ECHS1: variants seen among roughly 807,000 people sequenced by gnomAD.
ECHS1 encodes the protein enoyl-CoA hydratase, mitochondrial.
Under a neutral mutation model 33.5 loss-of-function variants are expected in ECHS1, and 19 were observed. The ratio of observed to expected loss-of-function variants is 0.57; its 90% CI spans 0.40 to 0.83. The LOEUF (loss-of-function observed/expected upper bound fraction) is 0.83, where lower values mean the gene tolerates loss of function less well. Among genes scored for constraint, ECHS1 ranks in the 40% least tolerant of loss-of-function variants. ECHS1 has a pLI of 0.00. For missense variants in ECHS1, 365 were observed against 381.3 expected (o/e 0.96, Z 0.36); for synonymous variants, 158 against 146.6 (o/e 1.08, Z -0.56).
chr10:133,365,270 G>C (rs1849013905), intron 6 of ECHS1, among the ~76,000 whole-genome samples: 1 of 152,188 alleles, frequency 6.6e-6, no homozygotes, highest in Non-Finnish European at 1.5e-5. Flanking sequence ...AACACCTCGG[G>C]CGACAGCAGC....
At chr10:133,372,388 G>A (rs1232376298) in intron 1 of ECHS1, among the ~76,000 whole-genome samples, 3 of 152,230 alleles carry the variant, frequency 2.0e-5, no homozygotes, top group Non-Finnish European at 4.4e-5. Context: ...GAGGAAGAGG[G>A]CAGCCCCCTG....
At chr10:133,370,484 G>A (rs1312912011) in intron 2 of ECHS1, 76 bp downstream of exon 2, 3 of 1,399,368 alleles carry the variant, frequency 2.1e-6, no homozygotes, top group Non-Finnish European at 2.8e-6. Context: ...GCGCAAATCT[G>A]TCTGGAGGCT....
intron 6 of ECHS1, 79 bp from the exon 7 acceptor site, chr10:133,364,804 T>G: frequency 8.8e-7 from 1 of 1,130,610 alleles, no homozygotes; most frequent in East Asian, 2.4e-5. Flanking sequence ...GAAGCCCTCC[T>G]CACTGACCCA....
rs763135144 is a variant in ECHS1, at chr10:133,373,284, G to T, written c.50C>A (p.Pro17His). 7 of 1,478,106 alleles carry T rather than the reference G, an allele frequency of 4.7e-6. No homozygotes were observed. The South Asian group carries it at 9.1e-5, about 19-fold the overall frequency. 91.6% of individuals were successfully genotyped at this position (1,478,106 alleles called of 1,614,324 possible). A position where few individuals can be genotyped will look rare whatever the true frequency, so the allele number is the denominator to read the frequency against. Residue 17 changes from proline to histidine, a missense_variant, in exon 1 of 8, where the codon CCC (proline) becomes CAC (histidine). By Grantham distance (77) the Pro-to-His change is moderately conservative (BLOSUM62 -2). Transcript: ENST00000368547. Reference protein sequence around the residue: ...LLSCVRGPLRPPVRCPAWRPF... With the variant: ...LLSCVRGPLRHPVRCPAWRPF... ...ACGCCAGGCGGGACAGCGAACCGGG[G>T]GCCTCAGCGGGCCGCGGACGCAGGA...
chr10:133,370,563 C>A lies in ECHS1; in HGVS notation c.283G>T (p.Ala95Ser). The A allele has an allele frequency of 6.3e-7, 1 of 1,576,968 alleles. No individual in the cohort carries two copies. The highest frequency in any genetic ancestry group is 1.9e-5 in the Admixed American group (1 of 53,280). ...IVLTGGDKAF[A>S]AGADIKEMQN... Reference sequence around the variant, plus strand: ...AGGCCTCTGCTGCCGCGCGTACCTGCAAAGGCCTTATCCCCGCCGGTGAGG... The same window carrying A: ...AGGCCTCTGCTGCCGCGCGTACCTGAAAAGGCCTTATCCCCGCCGGTGAGG... Residue 95 changes from alanine to serine, a missense_variant, in exon 2 of 8, where the codon GCA (alanine) becomes TCA (serine). Transcript: ENST00000368547.
chr10:133,365,236 T>C (rs1170249841), intron 6 of ECHS1, among the ~76,000 whole-genome samples: 2 of 152,132 alleles, frequency 1.3e-5, no homozygotes, highest in Non-Finnish European at 2.9e-5. Context: ...CAGCATCCTC[T>C]CCCAGGGGAG....
At chr10:133,366,840 TC>T in intron 5 of ECHS1, 48 bp downstream of exon 5, 1 of 1,472,018 alleles carries the variant, frequency 6.8e-7, no homozygotes. Flanking sequence ...TCTGTGGGGC[TC>T]CCACCCCGGG....
intron 1 of ECHS1, chr10:133,371,527 G>C (rs1048925558): frequency 6.5e-6 from 1 of 154,584 alleles, no homozygotes; most frequent in Non-Finnish European, 1.5e-5. Context: ...GACGCAGGGT[G>C]GGGGATGTGA....
intron 4 of ECHS1, among the ~76,000 whole-genome samples, chr10:133,367,959 CT>C (rs1490482402): frequency 6.6e-6 from 1 of 152,202 alleles, no homozygotes; most frequent in Non-Finnish European, 1.5e-5. Flanking sequence ...ACCCTGCCCC[CT>C]CGTCCTGTAT....
Position 133,368,113 on chromosome 10 carries a change from T to C in ECHS1, c.514+810A>G, listed in dbSNP as rs184515569. Among the ~76,000 whole-genome samples the C allele has an allele frequency of 6.9e-3, 1,052 of 152,248 alleles. 20 individuals are homozygous for C. Among genetic ancestry groups the C allele is most frequent in the African/African-American group, 0.024 (1,004 of 41,536 alleles). On this transcript the variant is annotated intron_variant, in intron 4 of 7. Coordinates refer to ENST00000368547, the MANE Select transcript of ECHS1 (RefSeq NM_004092.4). ...TCTTACAATCTCTCGTCTCCGCACA[T>C]GGGGAGAACACCTGCTAAGCCCCGT...
intron 4 of ECHS1, among the ~76,000 whole-genome samples, chr10:133,368,314 C>G (rs1324034400): frequency 6.6e-6 from 1 of 152,152 alleles, no homozygotes; most frequent in African/African-American, 2.4e-5. Context: ...ACAAATGCAC[C>G]GAGCTCACAG....
In ECHS1 at chr10:133,370,702, C is replaced by T. The variant is rs534858686; in HGVS notation, c.144G>A (p.Gly48=). Residue 48 remains glycine (G), a synonymous_variant, in exon 2 of 8, where the codon GGG becomes GGA. Transcript: ENST00000368547. ...AEKRGKNNTV[G]LIQLNRPKAL... is the part of the protein sequence containing the mutation. ...CCTTGGGGCGGTTCAGTTGGATCAA[C>T]CCCACGGTGTTATTCTTCCCTCTTT... 1.2e-5 allele frequency: 20 copies of T among 1,613,196 alleles called. No individual in the cohort carries two copies. The highest frequency in any genetic ancestry group is 8.9e-5 in the East Asian group (4 of 44,868).
In ECHS1 at chr10:133,366,891, G is replaced by C. The variant is rs1366636485; in HGVS notation, c.617C>G (p.Ala206Gly). The change falls in exon 5 of 8, where the codon GCA (alanine) becomes GGA (glycine). Residue 206 changes from alanine (A) to glycine (G), a missense_variant and splice_region_variant. Transcript: ENST00000368547. Reference protein sequence around the residue: ...DRISAQDAKQAGLVSKICPVE... With the variant: ...DRISAQDAKQGGLVSKICPVE... ...TTGCGGGCAGCCCCAACCCATACCT[G>C]CTTGCTTGGCGTCCTGGGCTGAGAT... 6.2e-7 allele frequency: 1 copy of C among 1,610,154 alleles called. No homozygotes were observed. Among genetic ancestry groups the C allele is most frequent in the South Asian group, 1.1e-5 (1 of 91,052 alleles).
In ECHS1 at chr10:133,366,763, A is replaced by G. The variant is rs1849039424; in HGVS notation, c.619+126T>C. On this transcript the variant is annotated intron_variant, in intron 5 of 7. Coordinates refer to ENST00000368547, the MANE Select transcript of ECHS1 (RefSeq NM_004092.4). ...TCTGTGGGGCACCCATGAGGGGGAC[A>G]CCTGGATGCTGCCCCGGGTTTCTGT... The G allele has an allele frequency of 1.2e-5, 8 of 674,958 alleles. No homozygotes were observed. In the East Asian group the frequency reaches 1.6e-4, roughly 14 times the overall value. 41.8% of individuals were successfully genotyped at this position (674,958 alleles called of 1,614,324 possible). A position where few individuals can be genotyped will look rare whatever the true frequency, so the allele number is the denominator to read the frequency against.
rs181328051 is a variant in ECHS1 at position 133,370,556 on chromosome 10, G to A, written c.286+4C>T. ...GACACAAAGGCCTCTGCTGCCGCGC[G>A]TACCTGCAAAGGCCTTATCCCCGCC... On this transcript the variant is annotated splice_donor_region_variant and intron_variant, in intron 2 of 7. Coordinates refer to ENST00000368547, the MANE Select transcript of ECHS1 (RefSeq NM_004092.4). 8.2e-5 allele frequency: 127 copies of A among 1,556,598 alleles called. No individual in the cohort carries two copies. The highest frequency in any genetic ancestry group is 3.8e-4 in the Admixed American group (19 of 50,508).
intron 7 of ECHS1, among the ~76,000 whole-genome samples, chr10:133,363,697 T>A (rs1191048340): frequency 6.6e-6 from 1 of 152,080 alleles, no homozygotes; most frequent in African/African-American, 2.4e-5. Flanking sequence ...AGCAGGAGAA[T>A]CACTTGAACC....
intron 6 of ECHS1, among the ~76,000 whole-genome samples, chr10:133,365,338 C>T (rs1468358677): frequency 6.6e-6 from 1 of 152,192 alleles, no homozygotes; most frequent in African/African-American, 2.4e-5. Context: ...ACGGCAAGCC[C>T]GGGGGACGGC....
chr10:133,366,892 C>A lies in ECHS1; in HGVS notation c.616G>T (p.Ala206Ser). The change falls in exon 5 of 8, where the codon GCA becomes TCA. Residue 206 changes from alanine (A) to serine (S), a missense_variant. Transcript: ENST00000368547. ...TGCGGGCAGCCCCAACCCATACCTGCTTGCTTGGCGTCCTGGGCTGAGATC... is the reference window on the plus strand; with the variant it reads ...TGCGGGCAGCCCCAACCCATACCTGATTGCTTGGCGTCCTGGGCTGAGATC... ...DRISAQDAKQ[A>S]GLVSKICPVE... 5 of 1,610,800 alleles carry A rather than the reference C, an allele frequency of 3.1e-6. No homozygotes were observed. Among genetic ancestry groups the A allele is most frequent in the Non-Finnish European group, 4.2e-6 (5 of 1,179,510 alleles).
chr10:133,367,978 A>G (rs1290850807), intron 4 of ECHS1, among the ~76,000 whole-genome samples: 1 of 152,136 alleles, frequency 6.6e-6, no homozygotes, highest in Non-Finnish European at 1.5e-5. Flanking sequence ...TATGCAATAA[A>G]TATCAGTGCG....
Sources: gnomAD v4.1 joint callset for allele counts (sites outside exome capture counted in the v4.1 genomes callset) on GRCh38, gnomAD v4.1.1 for gene constraint, MANE v1.5 for transcripts, NCBI Gene and HGNC (gene_info 2026-07-23, HGNC 2026-07-21) for gene names.